The following LCMT1 variants were observed in gnomAD, a reference collection of about 807,000 sequenced individuals.
LCMT1 encodes the protein leucine carboxyl methyltransferase 1.
Under a neutral mutation model 47.7 loss-of-function variants are expected in LCMT1, and 32 were observed. The ratio of observed to expected loss-of-function variants is 0.67; its 90% CI spans 0.51 to 0.90. The LOEUF (loss-of-function observed/expected upper bound fraction) is 0.90. Ranked by LOEUF, LCMT1 falls within the 40% of genes least tolerant of loss-of-function variation. The probability of loss-of-function intolerance (pLI) is 0.00; values close to 1 mark genes in which losing one functional copy is unlikely to be tolerated. For missense variants in LCMT1, 375 were observed against 415.2 expected, an observed-to-expected ratio of 0.90 and a Z score of 0.84; for synonymous variants, 152 against 149.7, an observed-to-expected ratio of 1.02 and a Z score of -0.11.
intron 6 of LCMT1, among the ~76,000 whole-genome samples, chr16:25,162,321 C>T (rs1478943130): frequency 6.6e-6 from 1 of 151,638 alleles, no homozygotes; most frequent in Admixed American, 6.6e-5. Context: ...GGGCGTGGTG[C>T]CTCATGCCTG....
intron 4 of LCMT1, among the ~76,000 whole-genome samples, chr16:25,149,612 G>A (rs531588773): frequency 1.4e-4 from 22 of 152,306 alleles, no homozygotes; most frequent in African/African-American, 4.6e-4. Flanking sequence ...CCGAGGGCAT[G>A]TAGAAAGTTA....
chr16:25,130,196 C>T (rs552260931), intron 2 of LCMT1, among the ~76,000 whole-genome samples: 45 of 151,838 alleles, frequency 3.0e-4, no homozygotes, highest in African/African-American at 8.7e-4. Flanking sequence ...GAAAATTAGC[C>T]GGGTGTGGTG....
At chr16:25,148,212 G>T (rs1291446665) in intron 4 of LCMT1, 1 of 152,312 alleles carries the variant, frequency 6.6e-6, no homozygotes, top group Non-Finnish European at 1.5e-5. Flanking sequence ...CAGCCTTACA[G>T]CAGGTCCAGG....
chr16:25,163,659 C>T (rs1222215652), intron 6 of LCMT1, among the ~76,000 whole-genome samples: 1 of 152,092 alleles, frequency 6.6e-6, no homozygotes, highest in African/African-American at 2.4e-5. Flanking sequence ...TCGATTGTTT[C>T]ATTACTCTTG....
At chr16:25,160,072 G>T in intron 5 of LCMT1, among the ~76,000 whole-genome samples, 1 of 151,494 alleles carries the variant, frequency 6.6e-6, no homozygotes. Flanking sequence ...TTCAAGCCTC[G>T]AGAGTAGCTG....
chr16:25,130,610 C>T (rs1960321823), intron 2 of LCMT1, among the ~76,000 whole-genome samples: 1 of 152,132 alleles, frequency 6.6e-6, no homozygotes. Context: ...TGTACCACTG[C>T]ATTCTATCCT....
chr16:25,138,794 A>C lies in LCMT1; in HGVS notation c.328-1377A>C, dbSNP rs558054671. Among the ~76,000 whole-genome samples, 6 of 152,166 alleles carry C rather than the reference A, an allele frequency of 3.9e-5. No homozygotes were observed. The South Asian group carries it at 1.2e-3, about 32-fold the overall frequency. On this transcript the variant is annotated intron_variant, in intron 3 of 10. Coordinates refer to ENST00000399069, the MANE Select transcript of LCMT1 (RefSeq NM_016309.3). ...TTCAAAACGCAGTATACCTTCCCTT[A>C]TTGTTACAGCTCACAAGCTCTTTGG... is the stretch of plus-strand genomic sequence containing the variant.
chr16:25,135,753 A>G (rs1264588261), intron 3 of LCMT1, among the ~76,000 whole-genome samples: 1 of 152,160 alleles, frequency 6.6e-6, no homozygotes, highest in Non-Finnish European at 1.5e-5. Flanking sequence ...ATCTGCTGGC[A>G]GTGAGCAGGA....
chr16:25,128,551 C>A lies in LCMT1; in HGVS notation c.190C>A (p.Pro64Thr). 6.2e-7 allele frequency: 1 copy of A among 1,602,016 alleles called. No homozygotes were observed. Among genetic ancestry groups the A allele is most frequent in the East Asian group, 2.2e-5 (1 of 44,522 alleles). ...GAGACTGTCTAAAGAGAGGAAAGCC[C>A]CTGAAATCAACAGAGGCAAGTGACC... ...FVRLSKERKA[P>T]EINRGYFARV... is the part of the protein sequence containing the mutation. Residue 64 changes from proline (P) to threonine (T), a missense_variant, in exon 2 of 11, where the codon CCT (proline) becomes ACT (threonine). Pro to Thr is a conservative substitution (Grantham distance 38). Transcript: ENST00000399069.
intron 3 of LCMT1, among the ~76,000 whole-genome samples, chr16:25,137,382 A>G (rs189833844): frequency 1.4e-4 from 21 of 152,066 alleles, no homozygotes; most frequent in African/African-American, 4.3e-4. Context: ...CCCAGCAGGC[A>G]TGGGCTATAC....
rs1277652728 is a variant in LCMT1 at position 25,164,679 on chromosome 16, C to G, written c.651C>G (p.Ala217=). Residue 217 remains alanine (A), a synonymous_variant, in exon 7 of 11, where the codon GCC becomes GCG. Coordinates refer to ENST00000399069, the MANE Select transcript of LCMT1 (RefSeq NM_016309.3). ...EQSANLLKWA[A]NSFERAMFIN... ...CCGCAAACCTCCTGAAGTGGGCAGC[C>G]AACAGTTTTGAGAGAGCCATGTTCA... The G allele has an allele frequency of 2.5e-6, 4 of 1,613,966 alleles. No individual in the cohort carries two copies. In the South Asian group the frequency reaches 4.4e-5, roughly 18 times the overall value.
chr16:25,145,697 T>G (rs1425691886), intron 4 of LCMT1: 1 of 152,264 alleles, frequency 6.6e-6, no homozygotes, highest in Non-Finnish European at 1.5e-5. Flanking sequence ...GCCTGGGGAC[T>G]GGCAGGGTTT....
intron 1 of LCMT1, among the ~76,000 whole-genome samples, chr16:25,115,297 T>C (rs1959752864): frequency 6.6e-6 from 1 of 152,228 alleles, no homozygotes; most frequent in East Asian, 1.9e-4. Flanking sequence ...GAGTTCATCC[T>C]TCATCCCTCG....
At chr16:25,152,705 CAGTT>C (rs935657233) in intron 5 of LCMT1, among the ~76,000 whole-genome samples, 1 of 152,160 alleles carries the variant, frequency 6.6e-6, no homozygotes, top group African/African-American at 2.4e-5. Context: ...GTGGCTGCCT[CAGTT>C]AGAGGAGTTG....
In LCMT1 at chr16:25,161,818, T is replaced by TA. The variant is rs35018593; in HGVS notation, c.569+625dup. 1.9e-3 allele frequency among the ~76,000 whole-genome samples: 279 copies of TA among 147,292 alleles called. 1 individual carries two copies. Among genetic ancestry groups the TA allele is most frequent in the African/African-American group, 5.3e-3 (215 of 40,206 alleles). The stretch of plus-strand genomic sequence containing the variant: ...AGAATATATAAAGAACAGCTACTAT[T>TA]AAAAAAAAAAACCTCAGAAAAATGG... On this transcript the variant is annotated intron_variant, in intron 6 of 10. Transcript: ENST00000399069.
intron 9 of LCMT1, among the ~76,000 whole-genome samples, chr16:25,174,081 T>G (rs1173546696): frequency 6.6e-6 from 1 of 152,032 alleles, no homozygotes; most frequent in Non-Finnish European, 1.5e-5. Context: ...CAGGCTAATT[T>G]TTGTATTTTT....
chr16:25,175,467 T>C (rs1336035987), intron 10 of LCMT1, among the ~76,000 whole-genome samples: 1 of 107,724 alleles, frequency 9.3e-6, no homozygotes, highest in East Asian at 3.2e-4. Flanking sequence ...CTACTAAAAA[T>C]ACAAAAAAAA....
At chr16:25,137,359 C>T (rs1305988760) in intron 3 of LCMT1, among the ~76,000 whole-genome samples, 1 of 151,724 alleles carries the variant, frequency 6.6e-6, no homozygotes, top group East Asian at 2.0e-4. Flanking sequence ...GAAATAGCTT[C>T]TGCATAACCC....
intron 3 of LCMT1, among the ~76,000 whole-genome samples, chr16:25,134,506 G>C (rs1021983892): frequency 6.6e-6 from 1 of 152,116 alleles, no homozygotes; most frequent in African/African-American, 2.4e-5. Flanking sequence ...ATTAAACTCC[G>C]GATTTCTTCC....
Sources: allele counts gnomAD v4.1 joint callset (sites outside exome capture counted in the v4.1 genomes callset), GRCh38; gene constraint gnomAD v4.1.1; transcripts MANE v1.5; gene names NCBI Gene and HGNC (gene_info 2026-07-23, HGNC 2026-07-21).